The following PDIA5 variants were observed in gnomAD, a reference collection of about 807,000 sequenced individuals.
The protein encoded by PDIA5 is protein disulfide-isomerase A5.
PDIA5 carries 58 observed loss-of-function variants against 77.6 expected under a neutral mutation model. That is an observed-to-expected ratio of 0.75 (90% CI 0.61 to 0.93). The LOEUF (loss-of-function observed/expected upper bound fraction) is 0.93. Among genes scored for constraint, PDIA5 ranks in the 40% least tolerant of loss-of-function variants. The probability of loss-of-function intolerance (pLI) is 0.00; values close to 1 mark genes in which losing one functional copy is unlikely to be tolerated. For synonymous variants in PDIA5, 250 were observed against 252.1 expected (o/e 0.99, Z 0.08); for missense variants, 630 against 647.7 (o/e 0.97, Z 0.30).
chr3:123,136,319 A>G (rs1437944201), intron 11 of PDIA5, among the ~76,000 whole-genome samples: 2 of 152,348 alleles, frequency 1.3e-5, no homozygotes, highest in Middle Eastern at 3.4e-3. Flanking sequence ...CAAGGGATAC[A>G]TAAGAATATA....
chr3:123,151,771 C>CCTGCCTGT (rs894862937), intron 14 of PDIA5, among the ~76,000 whole-genome samples: 2 of 143,548 alleles, frequency 1.4e-5, no homozygotes, highest in Non-Finnish European at 1.5e-5. Flanking sequence ...TGCCTGCCTG[C>CCTGCCTGT]CTGCCTGCCT....
At chr3:123,080,160 G>C (rs768422465) in intron 1 of PDIA5, among the ~76,000 whole-genome samples, 7 of 151,540 alleles carry the variant, frequency 4.6e-5, no homozygotes, top group Non-Finnish European at 8.8e-5. Flanking sequence ...GTGTGTGTGG[G>C]GGGGATTTAA....
chr3:123,072,884 A>G (rs1225937656), intron 1 of PDIA5, among the ~76,000 whole-genome samples: 1 of 143,364 alleles, frequency 7.0e-6, no homozygotes, highest in East Asian at 2.0e-4. Flanking sequence ...TGGACTTGGG[A>G]TGGTTTATTT....
intron 1 of PDIA5, among the ~76,000 whole-genome samples, chr3:123,075,839 G>A (rs939193983): frequency 3.7e-5 from 5 of 134,736 alleles, no homozygotes; most frequent in South Asian, 2.4e-4. Flanking sequence ...CGAGCTCTGC[G>A]GTAAAGCTAC....
intron 3 of PDIA5, among the ~76,000 whole-genome samples, chr3:123,096,332 G>A (rs572887589): frequency 5.0e-4 from 70 of 141,104 alleles, no homozygotes; most frequent in African/African-American, 1.3e-3. Context: ...CCCAGTAGGC[G>A]CGTACCACCA....
chr3:123,151,725 C>CTCCT (rs1353100579), intron 14 of PDIA5, among the ~76,000 whole-genome samples: 52 of 138,432 alleles, frequency 3.8e-4, no homozygotes, highest in Non-Finnish European at 6.0e-4. Flanking sequence ...AGATCTACAA[C>CTCCT]TCCTTCCTTC....
chr3:123,068,517 G>C (rs1309888102), intron 1 of PDIA5, among the ~76,000 whole-genome samples: 1 of 152,194 alleles, frequency 6.6e-6, no homozygotes, highest in Non-Finnish European at 1.5e-5. Flanking sequence ...GGAGCCAGTT[G>C]GTCTGGGCGG....
At position 123,159,816 on chromosome 3, in the gene PDIA5, G is replaced by A. The variant is rs114603500; in HGVS notation, c.1345-1505G>A. Among the ~76,000 whole-genome samples the A allele has an allele frequency of 3.0e-3, 455 of 152,224 alleles. 5 individuals are homozygous for A. Among genetic ancestry groups the A allele is most frequent in the African/African-American group, 0.011 (439 of 41,522 alleles). ...TGGCACCTGGTGGCCAGGGGAGGCC[G>A]CACCTCACTCTTCTCTTCAGCTATC... is the stretch of plus-strand genomic sequence containing the variant. On this transcript the variant is annotated intron_variant, in intron 15 of 16. Coordinates refer to ENST00000316218, the MANE Select transcript of PDIA5 (RefSeq NM_006810.4).
intron 10 of PDIA5, among the ~76,000 whole-genome samples, chr3:123,126,815 T>C (rs1935253434): frequency 6.6e-6 from 1 of 152,220 alleles, no homozygotes; most frequent in African/African-American, 2.4e-5. Flanking sequence ...TGCCCTTCAA[T>C]GCGTGACTCT....
In PDIA5 at chr3:123,154,972, G is replaced by C; in HGVS notation, c.1275G>C (p.Trp425Cys). Residue 425 changes from tryptophan (W) to cysteine (C), a missense_variant and splice_region_variant, in exon 15 of 17, where the codon TGG (tryptophan) becomes TGC (cysteine). Transcript: ENST00000316218. ...GTGCTCTCTTCCCCTCTCACACAGG[G>C]TGCCCACACTGTAAGAAGGTCATTC... Reference protein sequence around the residue: ...KHTLVMFYAPWCPHCKKVIPH... With the variant: ...KHTLVMFYAPCCPHCKKVIPH... The C allele has an allele frequency of 6.2e-7, 1 of 1,605,862 alleles. No individual in the cohort carries two copies. The highest frequency in any genetic ancestry group is 1.1e-5 in the South Asian group (1 of 90,906).
chr3:123,130,449 C>T, intron 10 of PDIA5, 31 bp from the exon 11 acceptor site: 2 of 1,605,420 alleles, frequency 1.2e-6, no homozygotes, highest in Admixed American at 1.7e-5. Flanking sequence ...CCAGGGCCTG[C>T]TCTGAGCTCT....
chr3:123,074,169 A>G (rs772398961), intron 1 of PDIA5, among the ~76,000 whole-genome samples: 6 of 152,208 alleles, frequency 3.9e-5, no homozygotes, highest in Non-Finnish European at 5.9e-5. Flanking sequence ...TCCCAAATGG[A>G]TATTTCCTTG....
At chr3:123,099,552 C>T (rs554456286) in intron 3 of PDIA5, among the ~76,000 whole-genome samples, 7 of 152,322 alleles carry the variant, frequency 4.6e-5, no homozygotes, top group Admixed American at 1.3e-4. Context: ...GGCACAGAGT[C>T]TGCAGTGAGG....
Position 123,096,743 on chromosome 3 carries a change from G to A in PDIA5, c.257+4301G>A, listed in dbSNP as rs567500140. 2.0e-5 allele frequency among the ~76,000 whole-genome samples: 3 copies of A among 152,166 alleles called. No individual in the cohort carries two copies. The East Asian group carries it at 5.8e-4, about 29-fold the overall frequency. On this transcript the variant is annotated intron_variant, in intron 3 of 16. Coordinates refer to ENST00000316218, the MANE Select transcript of PDIA5 (RefSeq NM_006810.4). Reference sequence around the variant, plus strand: ...TTCCTTCCCCCTCACTCCACTCTTGGCTCAGACCTCAACAGCCACGCTCAG... The same window carrying A: ...TTCCTTCCCCCTCACTCCACTCTTGACTCAGACCTCAACAGCCACGCTCAG...
chr3:123,099,057 G>GCA (rs34705320), intron 3 of PDIA5, among the ~76,000 whole-genome samples: 2,841 of 151,038 alleles, frequency 0.019, 55 homozygotes, highest in African/African-American at 0.052. Context: ...ACATGCTTGC[G>GCA]CACACACACA....
intron 1 of PDIA5, among the ~76,000 whole-genome samples, chr3:123,078,536 T>G (rs1933914422): frequency 6.6e-6 from 1 of 152,230 alleles, no homozygotes; most frequent in Non-Finnish European, 1.5e-5. Flanking sequence ...TAATATTTTA[T>G]CACATTTGTT....
At chr3:123,134,111 C>T (rs1348895368) in intron 11 of PDIA5, among the ~76,000 whole-genome samples, 4 of 152,088 alleles carry the variant, frequency 2.6e-5, no homozygotes, top group Non-Finnish European at 5.9e-5. Flanking sequence ...GCAGCCTCGA[C>T]CTCCTGGACC....
At chr3:123,099,507 T>C (rs1160468843) in intron 3 of PDIA5, among the ~76,000 whole-genome samples, 3 of 151,976 alleles carry the variant, frequency 2.0e-5, no homozygotes, top group Non-Finnish European at 2.9e-5. Context: ...GAGGAGAGAA[T>C]CCTTAGGAAT....
Position 123,161,905 on chromosome 3 carries a change from G to C in PDIA5, c.1505G>C (p.Arg502Pro), listed in dbSNP as rs764062770. The C allele has an allele frequency of 1.2e-6, 2 of 1,602,118 alleles. No homozygotes were observed. Among genetic ancestry groups the C allele is most frequent in the Non-Finnish European group, 8.5e-7 (1 of 1,169,604 alleles). ...GAATTGGGATTTACCAATTATATTCGAGCCCTCCGGGAGGGAGACCATGAA... is the reference window on the plus strand; with the variant it reads ...GAATTGGGATTTACCAATTATATTCCAGCCCTCCGGGAGGGAGACCATGAA... ...RTELGFTNYI[R>P]ALREGDHERL... Residue 502 changes from arginine (R) to proline (P), a missense_variant, in exon 17 of 17, where the codon CGA becomes CCA. By Grantham distance (103) the Arg-to-Pro change is moderately radical. Transcript: ENST00000316218.
Sources: gnomAD v4.1 joint callset for allele counts (sites outside exome capture counted in the v4.1 genomes callset) on GRCh38, gnomAD v4.1.1 for gene constraint, MANE v1.5 for transcripts, NCBI Gene and HGNC (gene_info 2026-07-23, HGNC 2026-07-21) for gene names.